GRP: variants seen among roughly 807,000 people sequenced by gnomAD.
GRP encodes gastrin-releasing peptide.
GRP carries 11 observed loss-of-function variants against 12.7 expected under a neutral mutation model. The observed-to-expected ratio is 0.87, with a 90% CI of 0.55 to 1.44. GRP has a LOEUF of 1.44. Among genes scored for constraint, GRP ranks in the 40% most tolerant of loss-of-function variants. The pLI is 0.00. For synonymous variants in GRP, 84 were observed against 77.7 expected, an observed-to-expected ratio of 1.08 and a Z score of -0.43; for missense variants, 212 against 185.4, an observed-to-expected ratio of 1.14 and a Z score of -0.83.
intron 1 of GRP, among the ~76,000 whole-genome samples, chr18:59,223,630 A>T (rs965119197): frequency 1.3e-5 from 2 of 152,206 alleles, no homozygotes; most frequent in African/African-American, 4.8e-5. Context: ...TTCTAACTAG[A>T]TGATAGTCAG....
rs150643245 is a variant in GRP at position 59,228,013 on chromosome 18, A to C, written c.382+2279A>C. ...AAAAATCAGGCTTTGCTTTTCTATT[A>C]TTTTTATGCATTGTTTTTCTTTTTA... On this transcript the variant is annotated intron_variant, in intron 2 of 2. Coordinates refer to ENST00000256857, the MANE Select transcript of GRP (RefSeq NM_002091.5). Among the ~76,000 whole-genome samples, 1,180 of 152,202 alleles carry C rather than the reference A, an allele frequency of 7.8e-3. 16 individuals carry two copies. The highest frequency in any genetic ancestry group is 0.031 in the Middle Eastern group (9 of 294).
intron 1 of GRP, among the ~76,000 whole-genome samples, chr18:59,220,702 A>C (rs908939473): frequency 1.1e-4 from 16 of 152,128 alleles, no homozygotes; most frequent in Non-Finnish European, 2.1e-4. Context: ...ACCCCGGTGC[A>C]GATCACCTTC....
rs1296134983 is a variant in GRP at position 59,230,471 on chromosome 18, A to C, written c.*3A>C. The C allele has an allele frequency of 7.1e-6, 11 of 1,550,684 alleles. No homozygotes were observed. Among genetic ancestry groups the C allele is most frequent in the Non-Finnish European group, 8.9e-6 (10 of 1,122,194 alleles). On this transcript the variant is annotated 3_prime_UTR_variant, in exon 3 of 3. Coordinates refer to ENST00000256857, the MANE Select transcript of GRP (RefSeq NM_002091.5). ...ACCCCCAGCTGAACCAGCAATGATAATGATGGCCTCTCTCAAAAGAGAAAA... is the reference window on the plus strand; with the variant it reads ...ACCCCCAGCTGAACCAGCAATGATACTGATGGCCTCTCTCAAAAGAGAAAA...
chr18:59,226,874 A>T (rs1373186344), intron 2 of GRP, among the ~76,000 whole-genome samples: 3 of 152,072 alleles, frequency 2.0e-5, no homozygotes, highest in Non-Finnish European at 2.9e-5. Context: ...GGCTTTCTGG[A>T]GGGAAGCTTT....
chr18:59,220,256 C>T lies in GRP; in HGVS notation c.-10C>T, dbSNP rs767058198. 51 of 1,493,928 alleles carry T rather than the reference C, an allele frequency of 3.4e-5. 1 individual carries two copies. The South Asian group carries it at 4.0e-4, about 12-fold the overall frequency. 92.5% of individuals were successfully genotyped at this position (1,493,928 alleles called of 1,614,324 possible). A position where few individuals can be genotyped will look rare whatever the true frequency, so the allele number is the denominator to read the frequency against. On this transcript the variant is annotated 5_prime_UTR_variant, in exon 1 of 3. Coordinates refer to ENST00000256857, the MANE Select transcript of GRP (RefSeq NM_002091.5). ...TCTCCGGCGCGCTCCAAGGGCTTCC[C>T]GTCGGGACCATGCGCGGCCGTGAGC...
At chr18:59,227,066 T>TTTCTTTCTTTCTTTCTTTCTTTCTTCC (rs368071671) in intron 2 of GRP, among the ~76,000 whole-genome samples, 1 of 131,692 alleles carries the variant, frequency 7.6e-6, no homozygotes, top group African/African-American at 3.1e-5. Flanking sequence ...CCTTTCTTTC[T>TTTCTTTCTTTCTTTCTTTCTTTCTTCC]TTTCTTTCCT....
At chr18:59,219,397 GAC>G (rs1285771591), upstream of GRP, among the ~76,000 whole-genome samples, 2 of 144,676 alleles carry the variant, frequency 1.4e-5, no homozygotes, top group Non-Finnish European at 1.5e-5. Flanking sequence ...GGGAGAGAGA[GAC>G]AGAGAGAGAG....
chr18:59,229,409 T>C (rs1441130199), intron 2 of GRP, among the ~76,000 whole-genome samples: 1 of 152,146 alleles, frequency 6.6e-6, no homozygotes, highest in Admixed American at 6.5e-5. Flanking sequence ...GACCAATGAC[T>C]CATAAGGCAA....
At chr18:59,219,405 G>C (rs952169267), upstream of GRP, among the ~76,000 whole-genome samples, 3 of 143,416 alleles carry the variant, frequency 2.1e-5, no homozygotes, top group Admixed American at 1.4e-4. Context: ...GAGACAGAGA[G>C]AGAGAGAGAT....
At chr18:59,222,546 T>A (rs1210944636) in intron 1 of GRP, among the ~76,000 whole-genome samples, 4 of 152,250 alleles carry the variant, frequency 2.6e-5, no homozygotes, top group African/African-American at 9.6e-5. Context: ...TTGAGTAACA[T>A]GCCCTCTGTT....
intron 1 of GRP, among the ~76,000 whole-genome samples, chr18:59,220,969 T>C (rs2069822901): frequency 6.6e-6 from 1 of 152,228 alleles, no homozygotes; most frequent in Non-Finnish European, 1.5e-5. Flanking sequence ...CGCAGTGCCC[T>C]GAATCCCGCC....
intron 2 of GRP, among the ~76,000 whole-genome samples, chr18:59,229,946 G>A (rs1229670439): frequency 1.3e-5 from 2 of 152,272 alleles, no homozygotes; most frequent in East Asian, 3.8e-4. Context: ...CTTGTGTAAC[G>A]ATGCACTGTC....
rs2069811099 is a variant in GRP at position 59,220,386 on chromosome 18, G to C, written c.121G>C (p.Gly41Arg). 4 of 1,408,170 alleles carry C rather than the reference G, an allele frequency of 2.8e-6. No individual in the cohort carries two copies. Among genetic ancestry groups the C allele is most frequent in the Non-Finnish European group, 3.7e-6 (4 of 1,079,656 alleles). The allele number at this position is 1,408,170 out of a possible 1,614,324, so 87.2% of individuals were successfully genotyped here. The change falls in exon 1 of 3, where the codon GGC (glycine) becomes CGC (arginine). Residue 41 changes from glycine to arginine, a missense_variant. Transcript: ENST00000256857. ...GTVLTKMYPR[G>R]NHWAVGHLMG... ...CGTGCTGACCAAGATGTACCCGCGC[G>C]GCAACCACTGGGCGGTGGGTGAGTG...
At chr18:59,230,376 T>A in intron 2 of GRP, 28 bp from the exon 3 acceptor site, 1 of 1,273,394 alleles carries the variant, frequency 7.9e-7, no homozygotes, top group Non-Finnish European at 1.2e-6. Context: ...TCACTCTGTT[T>A]GCTGAACTCT....
chr18:59,230,390 T>C lies in GRP; in HGVS notation c.383-14T>C, dbSNP rs1179499744. 4.1e-6 allele frequency: 6 copies of C among 1,475,792 alleles called. No homozygotes were observed. The highest frequency in any genetic ancestry group is 1.4e-5 in the African/African-American group (1 of 72,274). The allele number at this position is 1,475,792 out of a possible 1,614,324, so 91.4% of individuals were successfully genotyped here. ...CTCACTCTGTTTGCTGAACTCTTTC[T>C]AATATTTCTTAAGTTGGTAGACTCT... is the stretch of plus-strand genomic sequence containing the variant. On this transcript the variant is annotated splice_polypyrimidine_tract_variant and intron_variant, in intron 2 of 2. Coordinates refer to ENST00000256857, the MANE Select transcript of GRP (RefSeq NM_002091.5).
intron 2 of GRP, among the ~76,000 whole-genome samples, chr18:59,227,045 CT>C (rs1225407051): frequency 3.1e-4 from 38 of 122,588 alleles, no homozygotes; most frequent in Admixed American, 7.4e-4. Flanking sequence ...TTCTTTCTTT[CT>C]TTCTTTCTTC....
intron 2 of GRP, among the ~76,000 whole-genome samples, chr18:59,228,945 A>C (rs1216854773): frequency 6.6e-6 from 1 of 152,202 alleles, no homozygotes; most frequent in Non-Finnish European, 1.5e-5. Flanking sequence ...TTTAGTGGAC[A>C]TGAAGAGGGC....
At chr18:59,221,717 A>T (rs559316551) in intron 1 of GRP, among the ~76,000 whole-genome samples, 1 of 152,258 alleles carries the variant, frequency 6.6e-6, no homozygotes, top group African/African-American at 2.4e-5. Context: ...TTGATAGAAG[A>T]TAAATAATTT....
intron 1 of GRP, 38 bp downstream of exon 1, chr18:59,220,442 C>A: frequency 7.5e-7 from 1 of 1,327,790 alleles, no homozygotes. Flanking sequence ...CGCTTGTCCT[C>A]CTCTGGATCA....
Sources: gnomAD v4.1 joint callset for allele counts (sites outside exome capture counted in the v4.1 genomes callset) on GRCh38, gnomAD v4.1.1 for gene constraint, MANE v1.5 for transcripts, NCBI Gene and HGNC (gene_info 2026-07-23, HGNC 2026-07-21) for gene names.